The following KLF12 variants were observed in gnomAD, a reference collection of about 807,000 sequenced individuals.
KLF12 encodes Krueppel-like factor 12.
In KLF12, 9 loss-of-function variants were observed where a neutral mutation model predicts 37.8. The ratio of observed to expected loss-of-function variants is 0.24; its 90% CI spans 0.14 to 0.42. The LOEUF is 0.42. Ranked by LOEUF, KLF12 falls within the 10% of genes least tolerant of loss-of-function variation. The pLI is 1.00. For missense variants in KLF12, 411 were observed against 516.0 expected, an observed-to-expected ratio of 0.80 and a Z score of 1.97; for synonymous variants, 208 against 202.1, an observed-to-expected ratio of 1.03 and a Z score of -0.25.
intron 7 of KLF12, among the ~76,000 whole-genome samples, chr13:73,713,067 A>T (rs1286752843): frequency 3.3e-5 from 5 of 152,216 alleles, no homozygotes. Context: ...ATGAAAACTT[A>T]AAAAGACACA....
chr13:73,918,442 T>G (rs1403997549), intron 3 of KLF12, among the ~76,000 whole-genome samples: 1 of 152,178 alleles, frequency 6.6e-6, no homozygotes, highest in Non-Finnish European at 1.5e-5. Flanking sequence ...ATGGACTACA[T>G]AAATGCCTAC....
intron 1 of KLF12, among the ~76,000 whole-genome samples, chr13:74,129,153 G>T (rs1878119525): frequency 6.6e-6 from 1 of 152,114 alleles, no homozygotes; most frequent in Non-Finnish European, 1.5e-5. Flanking sequence ...TGCAGTATTT[G>T]CATATAACCT....
chr13:73,787,991 A>C (rs1881457684), intron 5 of KLF12, among the ~76,000 whole-genome samples: 1 of 152,162 alleles, frequency 6.6e-6, no homozygotes, highest in Admixed American at 6.5e-5. Flanking sequence ...GTATTTAATA[A>C]AAGTATTTTA....
chr13:74,133,624 T>A (rs1222757302), intron 1 of KLF12, among the ~76,000 whole-genome samples: 2 of 143,970 alleles, frequency 1.4e-5, no homozygotes, highest in Non-Finnish European at 3.0e-5. Flanking sequence ...CTTGAGCAGA[T>A]GACAGAAGGA....
At chr13:73,964,435 C>T (rs1891114748) in intron 2 of KLF12, among the ~76,000 whole-genome samples, 1 of 151,944 alleles carries the variant, frequency 6.6e-6, no homozygotes, top group African/African-American at 2.4e-5. Flanking sequence ...TGGACATTGA[C>T]AATAGCAAAA....
intron 1 of KLF12, among the ~76,000 whole-genome samples, chr13:74,074,175 C>T (rs934821889): frequency 3.9e-5 from 6 of 152,050 alleles, no homozygotes; most frequent in Admixed American, 6.6e-5. Flanking sequence ...TGTGTGTGTA[C>T]GCATGCACAG....
chr13:74,276,265 G>T, the KLF12 span, among the ~76,000 whole-genome samples: 5 of 151,954 alleles, frequency 3.3e-5, no homozygotes, highest in Non-Finnish European at 7.4e-5. Flanking sequence ...TGCTGAGAAT[G>T]ATATGCCTGG....
intron 2 of KLF12, among the ~76,000 whole-genome samples, chr13:73,960,876 C>T (rs1891001742): frequency 6.6e-6 from 1 of 152,168 alleles, no homozygotes; most frequent in African/African-American, 2.4e-5. Flanking sequence ...ACACATTATA[C>T]TATTATCTTG....
chr13:74,016,933 TA>T (rs1892701572), intron 1 of KLF12, among the ~76,000 whole-genome samples: 1 of 152,198 alleles, frequency 6.6e-6, no homozygotes, highest in Non-Finnish European at 1.5e-5. Context: ...GATAAACTCA[TA>T]ATGGAATATT....
At chr13:74,125,251 C>T (rs8002966) in intron 1 of KLF12, among the ~76,000 whole-genome samples, 28,433 of 151,464 alleles carry the variant, frequency 0.19, 3,489 homozygotes, top group African/African-American at 0.35. Context: ...GTTTATATAA[C>T]GAATCTTTTC....
chr13:73,708,632 A>G (rs906326864), intron 7 of KLF12, among the ~76,000 whole-genome samples: 5 of 152,160 alleles, frequency 3.3e-5, no homozygotes, highest in African/African-American at 1.2e-4. Context: ...CTTTTACTGC[A>G]TTGTAGAAAT....
intron 1 of KLF12, among the ~76,000 whole-genome samples, chr13:74,079,354 G>A (rs1593881993): frequency 6.6e-6 from 1 of 152,120 alleles, no homozygotes; most frequent in East Asian, 1.9e-4. Flanking sequence ...TGAATTGTAC[G>A]CTGGAAAATG....
chr13:74,001,945 C>T (rs1015486697), intron 1 of KLF12, among the ~76,000 whole-genome samples: 8 of 152,202 alleles, frequency 5.3e-5, no homozygotes, highest in Non-Finnish European at 1.2e-4. Flanking sequence ...TCTCTTTGCA[C>T]ATCTGAGCCA....
chr13:73,909,971 AT>A lies in KLF12; in HGVS notation c.123+34009del, dbSNP rs1009314395. Among the ~76,000 whole-genome samples, 938 of 151,778 alleles carry A rather than the reference AT, an allele frequency of 6.2e-3. 8 individuals are homozygous for A. The highest frequency in any genetic ancestry group is 0.022 in the African/African-American group (892 of 41,460). On this transcript the variant is annotated intron_variant, in intron 3 of 7. Transcript: ENST00000377669. The stretch of plus-strand genomic sequence containing the variant: ...TTCTAATTTTATACTTTCAAACGTT[AT>A]TTTTTTTGGACACATTTAATGGCTC...
At chr13:74,193,308 A>G in the KLF12 span, among the ~76,000 whole-genome samples, 1 of 152,170 alleles carries the variant, frequency 6.6e-6, no homozygotes, top group Admixed American at 6.5e-5. Context: ...AAGATGTGGA[A>G]GAAAACCACT....
rs537737724 is a variant in KLF12 at position 74,092,394 on chromosome 13, C to T, written c.-32+41345G>A. 6.7e-5 allele frequency among the ~76,000 whole-genome samples: 10 copies of T among 150,370 alleles called. No homozygotes were observed. The East Asian group carries it at 1.6e-3, about 24-fold the overall frequency. On this transcript the variant is annotated intron_variant, in intron 1 of 7. Transcript: ENST00000377669. Reference sequence around the variant, plus strand: ...AAAGTCACATTTTGGGAGGCCAAGGCGGGCAGATCACTTGGGGTCAGGAGT... The same window carrying T: ...AAAGTCACATTTTGGGAGGCCAAGGTGGGCAGATCACTTGGGGTCAGGAGT...
chr13:74,159,732 T>TCAGGTAGACA, the KLF12 span, among the ~76,000 whole-genome samples: 4 of 152,164 alleles, frequency 2.6e-5, no homozygotes, highest in Non-Finnish European at 5.9e-5. Flanking sequence ...AAAAAGTTCT[T>TCAGGTAGACA]TTTCAGCCGG....
the KLF12 span, among the ~76,000 whole-genome samples, chr13:74,170,052 C>T: frequency 1.3e-5 from 2 of 152,122 alleles, no homozygotes; most frequent in Non-Finnish European, 2.9e-5. Context: ...CCTTATACAG[C>T]ACATAATTTT....
At chr13:73,698,213 G>A (rs1365396461) in intron 7 of KLF12, among the ~76,000 whole-genome samples, 1 of 151,592 alleles carries the variant, frequency 6.6e-6, no homozygotes, top group South Asian at 2.1e-4. Flanking sequence ...GGAAGGAGGA[G>A]GGGAGGGGGA....
Sources: gnomAD v4.1 joint callset for allele counts (sites outside exome capture counted in the v4.1 genomes callset) on GRCh38, gnomAD v4.1.1 for gene constraint, MANE v1.5 for transcripts, NCBI Gene and HGNC (gene_info 2026-07-23, HGNC 2026-07-21) for gene names.